CAMK2D: variants seen among roughly 807,000 people sequenced by gnomAD.
CAMK2D encodes calcium/calmodulin-dependent protein kinase type II subunit delta.
In CAMK2D, 37 loss-of-function variants were observed where a neutral mutation model predicts 84.0. The ratio of observed to expected loss-of-function variants is 0.44; its 90% CI spans 0.34 to 0.58. The LOEUF (loss-of-function observed/expected upper bound fraction) is 0.58. Ranked by LOEUF, CAMK2D falls within the 20% of genes least tolerant of loss-of-function variation. The pLI is 0.02. For synonymous variants in CAMK2D, 202 were observed against 212.5 expected (o/e 0.95, Z 0.43); for missense variants, 448 against 652.5 (o/e 0.69, Z 3.41).
At chr4:113,549,301 A>C in intron 5 of CAMK2D, among the ~76,000 whole-genome samples, 1 of 152,208 alleles carries the variant, frequency 6.6e-6, no homozygotes, top group East Asian at 1.9e-4. Context: ...TCCAACAATA[A>C]AGGGAGAATT....
At chr4:113,753,607 G>C (rs2099621996) in intron 2 of CAMK2D, 1 of 177,804 alleles carries the variant, frequency 5.6e-6, no homozygotes, top group Non-Finnish European at 1.1e-5. Flanking sequence ...ACTGGAATTA[G>C]AGGAATTTTG....
chr4:113,490,134 C>G (rs879486563), intron 16 of CAMK2D, among the ~76,000 whole-genome samples: 55 of 146,950 alleles, frequency 3.7e-4, no homozygotes, highest in Middle Eastern at 3.6e-3. Context: ...TGTGCAGAAG[C>G]TCTTTAGTTT....
At chr4:113,567,463 C>T (rs1422716694) in intron 4 of CAMK2D, among the ~76,000 whole-genome samples, 2 of 152,054 alleles carry the variant, frequency 1.3e-5, no homozygotes, top group Admixed American at 6.5e-5. Flanking sequence ...CCACTGCACC[C>T]GGCCAGCTGA....
intron 3 of CAMK2D, among the ~76,000 whole-genome samples, chr4:113,643,588 G>A (rs77210704): frequency 0.064 from 9,761 of 152,300 alleles, 538 homozygotes; most frequent in East Asian, 0.21. Context: ...AGTAAGAATT[G>A]TTCTCTATTT....
intron 16 of CAMK2D, among the ~76,000 whole-genome samples, chr4:113,479,194 G>A (rs1176331573): frequency 3.9e-5 from 6 of 152,186 alleles, no homozygotes; most frequent in African/African-American, 1.2e-4. Context: ...TATCGTTCTT[G>A]AGATATTTTG....
At chr4:113,525,536 A>C (rs941386321) in intron 8 of CAMK2D, among the ~76,000 whole-genome samples, 2 of 152,218 alleles carry the variant, frequency 1.3e-5, no homozygotes, top group Non-Finnish European at 2.9e-5. Flanking sequence ...GTAATGGAAT[A>C]GTTGCTTCCA....
At chr4:113,708,590 GT>G (rs533854215) in intron 2 of CAMK2D, among the ~76,000 whole-genome samples, 4 of 151,552 alleles carry the variant, frequency 2.6e-5, no homozygotes, top group Admixed American at 6.6e-5. Flanking sequence ...GTGGGAGAAA[GT>G]TTTTTTTTCC....
chr4:113,623,693 T>C (rs1334135107), intron 3 of CAMK2D, among the ~76,000 whole-genome samples: 3 of 152,144 alleles, frequency 2.0e-5, no homozygotes, highest in Admixed American at 2.0e-4. Context: ...CTGACCATCA[T>C]CAATGCAGGC....
intron 16 of CAMK2D, among the ~76,000 whole-genome samples, chr4:113,471,894 T>C (rs1249881877): frequency 6.6e-6 from 1 of 151,564 alleles, no homozygotes; most frequent in East Asian, 1.9e-4. Context: ...GCTTTATCTC[T>C]TGACACTTTT....
At chr4:113,531,930 A>G (rs1013987714) in intron 7 of CAMK2D, among the ~76,000 whole-genome samples, 4 of 152,216 alleles carry the variant, frequency 2.6e-5, no homozygotes, top group Non-Finnish European at 5.9e-5. Context: ...AGAGTAAAAT[A>G]TTTATTTCTG....
chr4:113,536,630 G>A (rs2098493555), intron 7 of CAMK2D, among the ~76,000 whole-genome samples: 1 of 152,044 alleles, frequency 6.6e-6, no homozygotes, highest in South Asian at 2.1e-4. Context: ...GTTGGATATT[G>A]GAAAATGGCA....
intron 4 of CAMK2D, among the ~76,000 whole-genome samples, chr4:113,592,888 G>C (rs996611841): frequency 6.7e-6 from 1 of 149,700 alleles, no homozygotes; most frequent in African/African-American, 2.4e-5. Context: ...AGAGTCTCTT[G>C]CTCTACCCAG....
intron 4 of CAMK2D, among the ~76,000 whole-genome samples, chr4:113,570,821 C>T (rs2098749656): frequency 1.3e-5 from 2 of 151,966 alleles, no homozygotes; most frequent in South Asian, 4.1e-4. Context: ...TTAAAAGCTT[C>T]TGCTCAAAAA....
intron 4 of CAMK2D, among the ~76,000 whole-genome samples, chr4:113,582,577 C>T (rs1024547127): frequency 4.4e-5 from 4 of 90,354 alleles, no homozygotes; most frequent in African/African-American, 1.4e-4. Flanking sequence ...ATAAGCTGCT[C>T]TTACTGAGGA....
chr4:113,707,106 G>C (rs1407962095), intron 2 of CAMK2D, among the ~76,000 whole-genome samples: 1 of 152,090 alleles, frequency 6.6e-6, no homozygotes, highest in Non-Finnish European at 1.5e-5. Context: ...AAATATGATA[G>C]CGAGCCACCA....
At chr4:113,583,599 T>C (rs2098820636) in intron 4 of CAMK2D, among the ~76,000 whole-genome samples, 1 of 152,118 alleles carries the variant, frequency 6.6e-6, no homozygotes, top group Non-Finnish European at 1.5e-5. Context: ...AACATATCTC[T>C]AGTAATGCTG....
At chr4:113,544,103 T>G (rs2098551046) in intron 6 of CAMK2D, among the ~76,000 whole-genome samples, 1 of 152,164 alleles carries the variant, frequency 6.6e-6, no homozygotes, top group Non-Finnish European at 1.5e-5. Flanking sequence ...CAAATGCATT[T>G]TATTCTTCTT....
chr4:113,547,599 T>G (rs758803976), intron 6 of CAMK2D, 45 bp downstream of exon 6: 1 of 1,254,230 alleles, frequency 8.0e-7, no homozygotes, highest in Non-Finnish European at 1.1e-6. Context: ...TGAACAGTCA[T>G]TAGGAACTGT....
rs72895956 is a variant in CAMK2D, at chr4:113,696,295, T to C, written c.161-34523A>G. On this transcript the variant is annotated intron_variant, in intron 2 of 20. Coordinates refer to ENST00000511664, the MANE Select transcript of CAMK2D (RefSeq NM_001321571.2). The stretch of plus-strand genomic sequence containing the variant: ...TCTTCTCCACAGCCCTATTACCATC[T>C]CACATACTTCTAGTTTACTTAGGAC... Among the ~76,000 whole-genome samples, 1,413 of 151,790 alleles carry C rather than the reference T, an allele frequency of 9.3e-3. 27 individuals are homozygous for C. Among genetic ancestry groups the C allele is most frequent in the African/African-American group, 0.032 (1,335 of 41,420 alleles).
Sources: gnomAD v4.1 joint callset for allele counts (sites outside exome capture counted in the v4.1 genomes callset) on GRCh38, gnomAD v4.1.1 for gene constraint, MANE v1.5 for transcripts, NCBI Gene and HGNC (gene_info 2026-07-23, HGNC 2026-07-21) for gene names.